The following CPXM2 variants were observed in gnomAD, a reference collection of about 807,000 sequenced individuals.
CPXM2 encodes the protein carboxypeptidase X, M14 family member 2.
Under a neutral mutation model 86.1 loss-of-function variants are expected in CPXM2, and 66 were observed. The ratio of observed to expected loss-of-function variants is 0.77; its 90% CI spans 0.63 to 0.94. The LOEUF is 0.94. Among genes scored for constraint, CPXM2 ranks in the 40% least tolerant of loss-of-function variants. CPXM2 has a pLI of 0.00. For synonymous variants in CPXM2, 388 were observed against 400.2 expected (o/e 0.97, Z 0.36); for missense variants, 948 against 1,026.3 (o/e 0.92, Z 1.04).
intron 2 of CPXM2, among the ~76,000 whole-genome samples, chr10:123,874,525 A>C (rs987162150): frequency 2.0e-5 from 3 of 152,364 alleles, no homozygotes; most frequent in Non-Finnish European, 4.4e-5. Flanking sequence ...GCCAGGAAAG[A>C]AGTCTACTTT....
At chr10:123,831,375 G>A (rs1382674934) in intron 4 of CPXM2, among the ~76,000 whole-genome samples, 1 of 152,194 alleles carries the variant, frequency 6.6e-6, no homozygotes, top group Non-Finnish European at 1.5e-5. Context: ...TGTTGAGCAG[G>A]CACTGCCTAC....
At chr10:123,794,850 G>A (rs780589144) in intron 6 of CPXM2, among the ~76,000 whole-genome samples, 55 of 151,810 alleles carry the variant, frequency 3.6e-4, no homozygotes, top group Non-Finnish European at 5.0e-4. Context: ...GGCTCACTGC[G>A]ACCTCACCTC....
intron 10 of CPXM2, among the ~76,000 whole-genome samples, chr10:123,762,583 G>A (rs1846372581): frequency 6.6e-6 from 1 of 152,156 alleles, no homozygotes; most frequent in Non-Finnish European, 1.5e-5. Flanking sequence ...AGTAATCTGG[G>A]GGAGGAGGAG....
chr10:123,850,456 G>A (rs1462427337), intron 3 of CPXM2, among the ~76,000 whole-genome samples: 1 of 152,084 alleles, frequency 6.6e-6, no homozygotes, highest in African/African-American at 2.4e-5. Context: ...TTCTGGGTAG[G>A]GTGACAAAAA....
At chr10:123,799,974 C>A (rs1261832859) in intron 4 of CPXM2, among the ~76,000 whole-genome samples, 1 of 151,346 alleles carries the variant, frequency 6.6e-6, no homozygotes, top group South Asian at 2.1e-4. Context: ...TGAGTACACC[C>A]CCTCTTTTAA....
chr10:123,843,370 T>G (rs1262932563), intron 3 of CPXM2: 2 of 422,848 alleles, frequency 4.7e-6, no homozygotes, highest in Non-Finnish European at 9.3e-6. Context: ...AAAAGGACAT[T>G]TGAACCAAGT....
chr10:123,859,764 G>C (rs575228928), intron 3 of CPXM2, among the ~76,000 whole-genome samples: 1 of 152,344 alleles, frequency 6.6e-6, no homozygotes, highest in South Asian at 2.1e-4. Context: ...CCTGACCACA[G>C]GCAGGAGAGT....
rs1846358839 is a variant in CPXM2, at chr10:123,762,076, A to G, written c.1573T>C (p.Tyr525His). 1 of 1,614,022 alleles carries G rather than the reference A, an allele frequency of 6.2e-7. No homozygotes were observed. ...NLQGGELVVAYPYDLVRSPWK... is the reference protein window; with the variant it reads ...NLQGGELVVAHPYDLVRSPWK... ...GGGGACCGCACCAGGTCGTAGGGGT[A>G]CGCCACCACCAGCTCGCCGCCCTGC... The change falls in exon 11 of 14, where the codon TAC becomes CAC. Residue 525 changes from tyrosine to histidine, a missense_variant. Physicochemically the swap from Tyr to His is moderately conservative, Grantham distance 83. Transcript: ENST00000241305.
chr10:123,856,773 G>A (rs61861891), intron 3 of CPXM2, among the ~76,000 whole-genome samples: 3,472 of 152,190 alleles, frequency 0.023, 70 homozygotes, highest in South Asian at 0.087. Flanking sequence ...TGTATGTTTA[G>A]TAGAGACGGG....
chr10:123,890,976 G>T (rs758230128), intron 1 of CPXM2, among the ~76,000 whole-genome samples: 1 of 152,212 alleles, frequency 6.6e-6, no homozygotes, highest in Non-Finnish European at 1.5e-5. Context: ...CCCCAAAGCG[G>T]AAATTCAGCC....
intron 2 of CPXM2, among the ~76,000 whole-genome samples, chr10:123,926,390 A>G (rs1247628620): frequency 6.6e-6 from 1 of 152,154 alleles, no homozygotes; most frequent in African/African-American, 2.4e-5. Flanking sequence ...GCATACCTCT[A>G]CCATGGCACC....
intron 4 of CPXM2, among the ~76,000 whole-genome samples, chr10:123,808,296 A>T (rs1847621606): frequency 6.6e-6 from 1 of 152,180 alleles, no homozygotes; most frequent in Admixed American, 6.5e-5. Flanking sequence ...ACATCAAAAC[A>T]AATGCTTAAA....
At chr10:123,789,786 A>G (rs1470090714) in intron 6 of CPXM2, among the ~76,000 whole-genome samples, 1 of 152,128 alleles carries the variant, frequency 6.6e-6, no homozygotes, top group Non-Finnish European at 1.5e-5. Context: ...CTAGGGTTGG[A>G]CCACACAGTC....
chr10:123,796,363 C>T (rs76739031), intron 6 of CPXM2, among the ~76,000 whole-genome samples: 1,589 of 152,276 alleles, frequency 0.01, 27 homozygotes, highest in African/African-American at 0.035. Flanking sequence ...AACTTCCAAC[C>T]GTCTGAGGCA....
intron 4 of CPXM2, among the ~76,000 whole-genome samples, chr10:123,831,444 G>A (rs982245350): frequency 6.6e-6 from 1 of 152,248 alleles, no homozygotes; most frequent in Non-Finnish European, 1.5e-5. Flanking sequence ...GAGGAGGCTG[G>A]TCAAGTCATT....
chr10:123,818,397 A>G (rs1847856883), intron 4 of CPXM2, among the ~76,000 whole-genome samples: 1 of 152,172 alleles, frequency 6.6e-6, no homozygotes, highest in Non-Finnish European at 1.5e-5. Context: ...TAAGCCCTCA[A>G]TATGGCACCA....
chr10:123,788,447 C>A (rs1376121925), intron 6 of CPXM2, among the ~76,000 whole-genome samples: 2 of 152,112 alleles, frequency 1.3e-5, no homozygotes, highest in African/African-American at 4.8e-5. Flanking sequence ...TACGAAACTT[C>A]CCCCCTCCAG....
chr10:123,897,952 G>T (rs551680760), intron 2 of CPXM2, among the ~76,000 whole-genome samples: 5 of 152,302 alleles, frequency 3.3e-5, no homozygotes, highest in Middle Eastern at 3.4e-3. Flanking sequence ...GGGGCTCTCT[G>T]AAACAGCAGT....
chr10:123,772,994 T>C (rs1846684565), intron 7 of CPXM2, among the ~76,000 whole-genome samples: 2 of 150,858 alleles, frequency 1.3e-5, no homozygotes, highest in Admixed American at 6.6e-5. Context: ...TCCCTTGTTG[T>C]GGTTCTCACC....
Sources: gnomAD v4.1 joint callset for allele counts (sites outside exome capture counted in the v4.1 genomes callset) on GRCh38, gnomAD v4.1.1 for gene constraint, MANE v1.5 for transcripts, NCBI Gene and HGNC (gene_info 2026-07-23, HGNC 2026-07-21) for gene names.